Variants in NOL4L observed in about 807,000 individuals in gnomAD.
NOL4L encodes nucleolar protein 4 like.
A neutral mutation model predicts 64.5 loss-of-function variants in NOL4L; 7 were observed. That is an observed-to-expected ratio of 0.11 (90% confidence interval 0.06 to 0.20). The LOEUF (loss-of-function observed/expected upper bound fraction) is 0.20. Among genes scored for constraint, NOL4L ranks in the 10% least tolerant of loss-of-function variants. NOL4L has a pLI of 1.00. For synonymous variants in NOL4L, 413 were observed against 401.0 expected (o/e 1.03, Z -0.36); for missense variants, 680 against 967.1 (o/e 0.70, Z 3.94).
chr20:32,516,233 G>T (rs914991715), intron 3 of NOL4L, among the ~76,000 whole-genome samples: 1 of 151,858 alleles, frequency 6.6e-6, no homozygotes, highest in African/African-American at 2.4e-5. Flanking sequence ...GCCTCAGGGG[G>T]TTCAAATTTG....
intron 5 of NOL4L, chr20:32,465,273 C>A: frequency 2.4e-6 from 1 of 422,002 alleles, no homozygotes; most frequent in Non-Finnish European, 4.2e-6. Flanking sequence ...AGGGGGAAGT[C>A]ACCGACCCAT....
intron 2 of NOL4L, among the ~76,000 whole-genome samples, chr20:32,524,436 G>A (rs1338077676): frequency 1.3e-5 from 2 of 152,204 alleles, no homozygotes; most frequent in African/African-American, 4.8e-5. Context: ...AGCAGTAGAT[G>A]CCAGAAAGCT....
chr20:32,489,231 T>C (rs375588242), intron 4 of NOL4L, among the ~76,000 whole-genome samples: 1 of 152,008 alleles, frequency 6.6e-6, no homozygotes, highest in Non-Finnish European at 1.5e-5. Flanking sequence ...CTGGAAACTT[T>C]ATGTCTTCAT....
At chr20:32,534,197 C>G (rs1310928983) in intron 1 of NOL4L, among the ~76,000 whole-genome samples, 4 of 152,196 alleles carry the variant, frequency 2.6e-5, no homozygotes, top group Non-Finnish European at 4.4e-5. Flanking sequence ...CATTTCTCAA[C>G]TGGGTTTCTC....
chr20:32,462,882 C>T lies in NOL4L; in HGVS notation c.842-6487G>A, dbSNP rs7347929. 2.4e-3 allele frequency among the ~76,000 whole-genome samples: 282 copies of T among 119,488 alleles called. 1 individual carries two copies. Among genetic ancestry groups the T allele is most frequent in the African/African-American group, 8.8e-3 (270 of 30,782 alleles). 78.4% of individuals were successfully genotyped at this position (119,488 alleles called of 152,430 possible). A position where few individuals can be genotyped will look rare whatever the true frequency, so the allele number is the denominator to read the frequency against. Reference sequence around the variant, plus strand: ...ATCGCGCCATTGGACTTCAGCCTGGCGACAAAGCGAGACTCTGTCTTAAAA... The same window carrying T: ...ATCGCGCCATTGGACTTCAGCCTGGTGACAAAGCGAGACTCTGTCTTAAAA... On this transcript the variant is annotated intron_variant, in intron 5 of 10. Coordinates refer to ENST00000621426, the MANE Select transcript of NOL4L (RefSeq NM_001256798.2).
At chr20:32,524,323 G>A (rs1377003508) in intron 2 of NOL4L, among the ~76,000 whole-genome samples, 4 of 151,996 alleles carry the variant, frequency 2.6e-5, no homozygotes, top group Non-Finnish European at 5.9e-5. Flanking sequence ...TACTCGAAAT[G>A]GGAATCCCTG....
intron 5 of NOL4L, among the ~76,000 whole-genome samples, chr20:32,465,745 A>C (rs1480691409): frequency 6.6e-6 from 1 of 152,228 alleles, no homozygotes; most frequent in Non-Finnish European, 1.5e-5. Context: ...GGTTCGGTGC[A>C]TTGCAGTCCT....
At chr20:32,525,839 CCT>C (rs1418169953) in intron 2 of NOL4L, among the ~76,000 whole-genome samples, 5 of 152,148 alleles carry the variant, frequency 3.3e-5, no homozygotes, top group African/African-American at 1.2e-4. Context: ...CTCACTGCAA[CCT>C]CTGTTTCCTG....
Position 32,527,819 on chromosome 20 carries a change from T to C in NOL4L, c.416A>G (p.Glu139Gly), listed in dbSNP as rs1333627297. 10 of 1,550,500 alleles carry C rather than the reference T, an allele frequency of 6.4e-6. No homozygotes were observed. The highest frequency in any genetic ancestry group is 8.7e-6 in the Non-Finnish European group (10 of 1,146,984). ...GGCTTTGCCTGGCTCCGCTGAGCTC[T>C]CCACATGCATCGAGTAGATGATGTC... The part of the protein sequence containing the change: ...FFDIIYSMHV[E>G]SSAEPGKAPK... Residue 139 changes from glutamate (E) to glycine (G), a missense_variant, in exon 2 of 11, where the codon GAG (glutamate) becomes GGG (glycine). Glu to Gly is a moderately conservative substitution (Grantham distance 98). This residue lies in a region of NOL4L where 181 missense variants were observed against 335.2 expected (regional missense o/e 0.54). Coordinates refer to ENST00000621426, the MANE Select transcript of NOL4L (RefSeq NM_001256798.2).
In NOL4L at chr20:32,488,827, T is replaced by TTCTCTTTCTTTCTTTCTTTCTTTCTTTC. The variant is rs11483298; in HGVS notation, c.700-14086_700-14085insGAAAGAAAGAAAGAAAGAAAGAAAGAGA. Among the ~76,000 whole-genome samples, 2 of 33,136 alleles carry TTCTCTTTCTTTCTTTCTTTCTTTCTTTC rather than the reference T, an allele frequency of 6.0e-5. 1 individual carries two copies. The highest frequency in any genetic ancestry group is 1.6e-3 in the South Asian group (2 of 1,222). The allele number at this position is 33,136 out of a possible 152,430, so 21.7% of individuals were successfully genotyped here. ...TCTTTTTCTTTCTTTCTTTCTTTCT[T>TTCTCTTTCTTTCTTTCTTTCTTTCTTTC]TTTCTTTCTTTCTTTCTTTCTTTCT... On this transcript the variant is annotated intron_variant, in intron 4 of 10. Coordinates refer to ENST00000621426, the MANE Select transcript of NOL4L (RefSeq NM_001256798.2).
intron 1 of NOL4L, chr20:32,536,418 T>C (rs2018525870): frequency 1.7e-6 from 1 of 584,268 alleles, no homozygotes; most frequent in African/African-American, 2.1e-5. Flanking sequence ...GCCGCGCTAA[T>C]GACTGTTGAC....
At chr20:32,502,127 C>A (rs978912003) in intron 4 of NOL4L, among the ~76,000 whole-genome samples, 1 of 151,878 alleles carries the variant, frequency 6.6e-6, no homozygotes, top group South Asian at 2.1e-4. Flanking sequence ...CAACAAAAGC[C>A]CCAATTGAAA....
At chr20:32,447,862 G>A in intron 10 of NOL4L, 46 bp from the exon 11 acceptor site, 3 of 1,514,872 alleles carry the variant, frequency 2.0e-6, no homozygotes, top group Non-Finnish European at 2.7e-6. Flanking sequence ...CACCCTGCCT[G>A]GCATCTGGGA....
rs1447079768 is a variant in NOL4L, at chr20:32,453,626, T to G, written c.1255A>C (p.Lys419Gln). 6.2e-7 allele frequency: 1 copy of G among 1,612,136 alleles called. No individual in the cohort carries two copies. Among genetic ancestry groups the G allele is most frequent in the East Asian group, 2.2e-5 (1 of 44,768 alleles). Residue 419 changes from lysine (K) to glutamine (Q), a missense_variant, in exon 7 of 11, where the codon AAG becomes CAG. Around this residue, in one of 4 missense-constraint regions of NOL4L, gnomAD observed 70 missense variants for 166.1 expected, o/e 0.42. Coordinates refer to ENST00000621426, the MANE Select transcript of NOL4L (RefSeq NM_001256798.2). The surrounding 1 kb of genome is among the most constrained non-coding windows in gnomAD (Gnocchi z 5.6). ...DDHDDHEDND[K>Q]MNDSEGMDPE... ...TCCATGCCTTCAGAGTCGTTCATCT[T>G]GTCATTGTCCTCATGGTCATCGTGG...
At chr20:32,477,154 T>C (rs1232559147) in intron 4 of NOL4L, among the ~76,000 whole-genome samples, 1 of 152,164 alleles carries the variant, frequency 6.6e-6, no homozygotes, top group African/African-American at 2.4e-5. Flanking sequence ...CTCAGCCAAG[T>C]TCAAACCATA....
intron 2 of NOL4L, among the ~76,000 whole-genome samples, chr20:32,526,787 G>C (rs1443916520): frequency 6.6e-6 from 1 of 152,140 alleles, no homozygotes; most frequent in Non-Finnish European, 1.5e-5. Flanking sequence ...TCAGTGCCTC[G>C]GTCACAGGAC....
At chr20:32,579,804 C>A (rs550767397) in intron 1 of NOL4L, among the ~76,000 whole-genome samples, 1 of 152,258 alleles carries the variant, frequency 6.6e-6, no homozygotes, top group East Asian at 1.9e-4. Context: ...GCACGCTCTG[C>A]CACTCACAAA....
At chr20:32,449,802 G>T (rs1320177430) in intron 10 of NOL4L, 2 of 152,316 alleles carry the variant, frequency 1.3e-5, no homozygotes, top group African/African-American at 4.8e-5. Flanking sequence ...AAGAGGGTCT[G>T]GTTCTCTCTA....
At chr20:32,576,863 A>G (rs1013193132) in intron 1 of NOL4L, among the ~76,000 whole-genome samples, 2 of 152,204 alleles carry the variant, frequency 1.3e-5, no homozygotes, top group Admixed American at 1.3e-4. Context: ...CTTGAGGTCT[A>G]GAAAGCTTAC....
Sources: allele counts gnomAD v4.1 joint callset (sites outside exome capture counted in the v4.1 genomes callset), GRCh38; gene constraint gnomAD v4.1.1; regional missense constraint gnomAD v4.1.1; non-coding constraint Gnocchi (gnomAD v3.1); transcripts MANE v1.5; gene names NCBI Gene and HGNC (gene_info 2026-07-23, HGNC 2026-07-21).